The following ANKRD27 variants were observed in gnomAD, a reference collection of about 807,000 sequenced individuals.
ANKRD27 encodes ankyrin repeat domain-containing protein 27.
A neutral mutation model predicts 129.7 loss-of-function variants in ANKRD27; 112 were observed. That is an observed-to-expected ratio of 0.86 (90% CI 0.74 to 1.01). The LOEUF (loss-of-function observed/expected upper bound fraction) is 1.01. ANKRD27 is among the 50% of genes least tolerant of loss of function. ANKRD27 has a pLI of 0.00. For synonymous variants in ANKRD27, 516 were observed against 511.2 expected (o/e 1.01, Z -0.13); for missense variants, 1,258 against 1,300.5 (o/e 0.97, Z 0.50).
intron 15 of ANKRD27, 33 bp downstream of exon 15, chr19:32,628,050 A>G: frequency 6.2e-7 from 1 of 1,602,500 alleles, no homozygotes; most frequent in South Asian, 1.1e-5. Context: ...CTTTGCTGTG[A>G]CAGCCCCTAG....
rs1289942465 is a variant in ANKRD27, at chr19:32,600,001, A to C, written c.2817T>G (p.Phe939Leu). The change falls in exon 27 of 29, where the codon TTT (phenylalanine) becomes TTG (leucine). Residue 939 changes from phenylalanine (F) to leucine (L), a missense_variant. By Grantham distance (22) the Phe-to-Leu change is conservative. Coordinates refer to ENST00000306065, the MANE Select transcript of ANKRD27 (RefSeq NM_032139.3). The stretch of plus-strand genomic sequence containing the variant: ...ACTGACCAGCTGAGTGGACAAAGTA[A>C]AACTGTCTTGTAAAAGGCTCATCTG... Reference protein sequence around the residue: ...DLPDEPFTRQFYFVHSAGQFK... With the variant: ...DLPDEPFTRQLYFVHSAGQFK... 2 of 1,613,164 alleles carry C rather than the reference A, an allele frequency of 1.2e-6. No homozygotes were observed. The highest frequency in any genetic ancestry group is 1.7e-6 in the Non-Finnish European group (2 of 1,179,386).
At chr19:32,623,354 C>T (rs1256870490) in intron 17 of ANKRD27, among the ~76,000 whole-genome samples, 2 of 152,142 alleles carry the variant, frequency 1.3e-5, no homozygotes, top group Admixed American at 6.5e-5. Context: ...TTATGCTGAA[C>T]GCCCGAGTTT....
intron 18 of ANKRD27, 55 bp from the exon 19 acceptor site, chr19:32,619,608 C>T: frequency 6.3e-7 from 1 of 1,599,364 alleles, no homozygotes; most frequent in Non-Finnish European, 8.6e-7. Flanking sequence ...GTCGTCTCAG[C>T]ACAGTGCCAT....
In ANKRD27 at chr19:32,600,642, A is replaced by T. The variant is rs144253546; in HGVS notation, c.2768-592T>A. ...ATCCTCAACCAATGAGTATAATGCA[A>T]ATATTCCAAAACCCAAAACACTGCT... On this transcript the variant is annotated intron_variant, in intron 26 of 28. Transcript: ENST00000306065. Among the ~76,000 whole-genome samples, 715 of 152,296 alleles carry T rather than the reference A, an allele frequency of 4.7e-3. 4 individuals are homozygous for T. The highest frequency in any genetic ancestry group is 0.013 in the African/African-American group (553 of 41,544).
chr19:32,634,146 CT>C (rs1389496208), intron 12 of ANKRD27, among the ~76,000 whole-genome samples: 2 of 152,094 alleles, frequency 1.3e-5, no homozygotes, highest in African/African-American at 4.8e-5. Flanking sequence ...ATATTTAGTC[CT>C]TAATACTTTT....
chr19:32,598,641 G>T (rs922130027), intron 28 of ANKRD27, among the ~76,000 whole-genome samples: 4 of 152,130 alleles, frequency 2.6e-5, no homozygotes, highest in African/African-American at 9.7e-5. Flanking sequence ...TTACACCTGA[G>T]GAAACAGGAT....
chr19:32,629,844 CTTTTTT>C (rs548494616), intron 13 of ANKRD27, among the ~76,000 whole-genome samples: 8,457 of 105,606 alleles, frequency 0.08, 519 homozygotes, highest in African/African-American at 0.18. Flanking sequence ...CTCTTGTGTT[CTTTTTT>C]TTTTTTTTTT....
intron 1 of ANKRD27, among the ~76,000 whole-genome samples, chr19:32,661,060 G>C (rs1967634298): frequency 6.6e-6 from 1 of 151,960 alleles, no homozygotes; most frequent in Admixed American, 6.6e-5. Flanking sequence ...AATTAGCCAT[G>C]TGTGGCAGCC....
At chr19:32,607,543 AGC>A in intron 23 of ANKRD27, 90 bp downstream of exon 23, 1 of 1,433,274 alleles carries the variant, frequency 7.0e-7, no homozygotes, top group African/African-American at 1.4e-5. Context: ...CCTCCAGGGT[AGC>A]CACCAAACCC....
rs567490550 is a variant in ANKRD27 at position 32,630,313 on chromosome 19, G to A, written c.1209+1089C>T. Among the ~76,000 whole-genome samples the A allele has an allele frequency of 7.9e-5, 12 of 152,284 alleles. No homozygotes were observed. In the South Asian group the frequency reaches 1.2e-3, roughly 16 times the overall value. On this transcript the variant is annotated intron_variant, in intron 13 of 28. Coordinates refer to ENST00000306065, the MANE Select transcript of ANKRD27 (RefSeq NM_032139.3). ...GCCTCCCCCAGGGGGCTCTGCCCTC[G>A]CCCAGCACTCACGGACTGCCCTGCG...
chr19:32,664,861 A>G lies in ANKRD27; in HGVS notation c.-30-5816T>C, dbSNP rs1599776780. Among the ~76,000 whole-genome samples, 3 of 142,186 alleles carry G rather than the reference A, an allele frequency of 2.1e-5. No homozygotes were observed. The Admixed American group carries it at 2.3e-4, about 11-fold the overall frequency. 93.3% of individuals were successfully genotyped at this position (142,186 alleles called of 152,430 possible). On this transcript the variant is annotated intron_variant, in intron 1 of 28. Coordinates refer to ENST00000306065, the MANE Select transcript of ANKRD27 (RefSeq NM_032139.3). ...CTTGAGCCCAGGAGGCAGAGACTCC[A>G]GTGAGCTGAGATTGCACCACTGCAC...
intron 12 of ANKRD27, chr19:32,638,834 A>C: frequency 5.9e-6 from 1 of 169,762 alleles, no homozygotes; most frequent in Non-Finnish European, 1.2e-5. Flanking sequence ...GCACTTGCTC[A>C]CATACCCCTC....
chr19:32,601,001 T>TA (rs772599823), intron 26 of ANKRD27, among the ~76,000 whole-genome samples: 2 of 151,322 alleles, frequency 1.3e-5, no homozygotes, highest in African/African-American at 4.9e-5. Context: ...CGTACAAACT[T>TA]AAAAAAAAAT....
At chr19:32,603,975 C>T (rs1971690635) in intron 25 of ANKRD27, among the ~76,000 whole-genome samples, 1 of 152,004 alleles carries the variant, frequency 6.6e-6, no homozygotes, top group African/African-American at 2.4e-5. Context: ...CTCTATGTAA[C>T]TACCGGACCA....
At chr19:32,601,124 C>A (rs557008690) in intron 26 of ANKRD27, among the ~76,000 whole-genome samples, 5 of 151,630 alleles carry the variant, frequency 3.3e-5, no homozygotes, top group Non-Finnish European at 7.4e-5. Flanking sequence ...CATTGTGAAA[C>A]CCTGTCTCTA....
rs756800307 is a variant in ANKRD27, at chr19:32,625,931, C to A, written c.1572G>T (p.Val524=). The change falls in exon 17 of 29, where the codon GTG becomes GTT. Residue 524 remains valine (V), a synonymous_variant. Coordinates refer to ENST00000306065, the MANE Select transcript of ANKRD27 (RefSeq NM_032139.3). ...LLLHYKASAE[V]QDNNGNTPLH... is the part of the protein sequence containing the mutation. Reference sequence around the variant, plus strand: ...GTGGCGTATTCCCATTGTTGTCCTGCACTTCCGCGCTGGCCTTGTAGTGCA... The same window carrying A: ...GTGGCGTATTCCCATTGTTGTCCTGAACTTCCGCGCTGGCCTTGTAGTGCA... 1 of 1,611,090 alleles carries A rather than the reference C, an allele frequency of 6.2e-7. No homozygotes were observed. Among genetic ancestry groups the A allele is most frequent in the Non-Finnish European group, 8.5e-7 (1 of 1,179,136 alleles).
chr19:32,636,968 G>A (rs182021639), intron 12 of ANKRD27, among the ~76,000 whole-genome samples: 2,032 of 152,160 alleles, frequency 0.013, 12 homozygotes, highest in Non-Finnish European at 0.019. Context: ...GGCTGGTCTC[G>A]AACTCCTGAC....
At position 32,605,815 on chromosome 19, in the gene ANKRD27, G is replaced by T. The variant is rs780637054; in HGVS notation, c.2493+20C>A. 1.2e-6 allele frequency: 2 copies of T among 1,612,094 alleles called. No individual in the cohort carries two copies. Among genetic ancestry groups the T allele is most frequent in the Non-Finnish European group, 1.7e-6 (2 of 1,178,942 alleles). On this transcript the variant is annotated intron_variant, in intron 24 of 28. Coordinates refer to ENST00000306065, the MANE Select transcript of ANKRD27 (RefSeq NM_032139.3). ...TAACTGGCGCAGGTGTGTAGAATGA[G>T]GACAGGAAGGGGCCCTCACCTGTAG...
intron 5 of ANKRD27, 35 bp from the exon 6 acceptor site, chr19:32,643,666 T>C: frequency 1.9e-6 from 3 of 1,611,396 alleles, no homozygotes; most frequent in Non-Finnish European, 2.5e-6. Flanking sequence ...AGGCCACCCT[T>C]ACCAGCAAGG....
Sources: allele counts gnomAD v4.1 joint callset (sites outside exome capture counted in the v4.1 genomes callset), GRCh38; gene constraint gnomAD v4.1.1; transcripts MANE v1.5; gene names NCBI Gene and HGNC (gene_info 2026-07-23, HGNC 2026-07-21).